The following CD163L1 variants were observed in gnomAD, a reference collection of about 807,000 sequenced individuals.
CD163L1 encodes scavenger receptor cysteine-rich type 1 protein M160.
In CD163L1, 124 loss-of-function variants were observed where a neutral mutation model predicts 165.4. The observed-to-expected ratio is 0.75, with a 90% CI of 0.65 to 0.87. The LOEUF (loss-of-function observed/expected upper bound fraction) is 0.87, where lower values mean the gene tolerates loss of function less well. CD163L1 is among the 40% of genes least tolerant of loss of function. The pLI is 0.00. For synonymous variants in CD163L1, 585 were observed against 662.2 expected (o/e 0.88, Z 1.79); for missense variants, 1,525 against 1,799.9 (o/e 0.85, Z 2.76).
rs1483756091 is a variant in CD163L1, at chr12:7,373,329, T to C, written c.3721A>G (p.Thr1241Ala). 1.2e-6 allele frequency: 2 copies of C among 1,604,848 alleles called. No homozygotes were observed. The highest frequency in any genetic ancestry group is 1.7e-6 in the Non-Finnish European group (2 of 1,173,756). ...ISSPAEETWI[T>A]CEDRIRVRGG... ...TTAGAAAGATACCCACCTTCACATGTGATCCAGGTCTCTTCTGCTGGGCTG... is the reference window on the plus strand; with the variant it reads ...TTAGAAAGATACCCACCTTCACATGCGATCCAGGTCTCTTCTGCTGGGCTG... The change falls in exon 14 of 20, where the codon ACA (threonine) becomes GCA (alanine). Residue 1241 changes from threonine (T) to alanine (A), a missense_variant. Thr to Ala is a moderately conservative substitution (Grantham distance 58). Transcript: ENST00000313599.
intron 19 of CD163L1, among the ~76,000 whole-genome samples, chr12:7,355,633 G>A (rs913427338): frequency 6.6e-6 from 1 of 152,234 alleles, no homozygotes; most frequent in Middle Eastern, 3.4e-3. Context: ...ATATGTTCAA[G>A]TCTTAACCCC....
rs1444728607 is a variant in CD163L1 at position 7,374,714 on chromosome 12, G to A, written c.3137C>T (p.Ala1046Val). 9.3e-6 allele frequency: 15 copies of A among 1,613,926 alleles called. No individual in the cohort carries two copies. Among genetic ancestry groups the A allele is most frequent in the Non-Finnish European group, 1.3e-5 (15 of 1,179,950 alleles). ...LRLVDGDSRC[A>V]GRVEIYHDGF... is the part of the protein sequence containing the mutation. ...GTCGTGATAGATCTCTACTCTCCCG[G>A]CACAGCGGCTGTCCCCATCCACTAG... The change falls in exon 13 of 20, where the codon GCC becomes GTC. Residue 1046 changes from alanine to valine, a missense_variant. By Grantham distance (64) the Ala-to-Val change is moderately conservative (BLOSUM62 0). Coordinates refer to ENST00000313599, the MANE Select transcript of CD163L1 (RefSeq NM_174941.6). This position sits in a 1 kb window ranked among gnomAD's most constrained non-coding sequence, Gnocchi z 5.4.
intron 4 of CD163L1, among the ~76,000 whole-genome samples, chr12:7,420,268 C>T (rs1315261810): frequency 1.3e-5 from 2 of 151,676 alleles, no homozygotes; most frequent in African/African-American, 2.4e-5. Flanking sequence ...AAGATAACAT[C>T]GGAAAAACCC....
At chr12:7,353,548 A>T (rs970267140), downstream of CD163L1, among the ~76,000 whole-genome samples, 1 of 152,108 alleles carries the variant, frequency 6.6e-6, no homozygotes, top group African/African-American at 2.4e-5. Flanking sequence ...CACGTACAAG[A>T]AAACAACAAT....
chr12:7,434,765 G>C (rs549746415), intron 2 of CD163L1, among the ~76,000 whole-genome samples: 1 of 151,956 alleles, frequency 6.6e-6, no homozygotes, highest in African/African-American at 2.4e-5. Flanking sequence ...CAATAGAAAA[G>C]GCTTCCCAGT....
chr12:7,396,184 C>T lies in CD163L1; in HGVS notation c.1961G>A (p.Gly654Glu). 6.2e-7 allele frequency: 1 copy of T among 1,614,150 alleles called. No individual in the cohort carries two copies. The highest frequency in any genetic ancestry group is 1.1e-5 in the South Asian group (1 of 91,086). ...KIWLDDVSCD[G>E]DESDLWSCRN... The stretch of plus-strand genomic sequence containing the variant: ...GCATGACCAGAGATCTGACTCATCT[C>T]CATCACAGGAAACATCATCGAGCCA... The change falls in exon 8 of 20, where the codon GGA becomes GAA. Residue 654 changes from glycine to glutamate, a missense_variant. Coordinates refer to ENST00000313599, the MANE Select transcript of CD163L1 (RefSeq NM_174941.6).
intron 4 of CD163L1, among the ~76,000 whole-genome samples, chr12:7,409,881 TA>T (rs926927907): frequency 1.3e-5 from 2 of 151,442 alleles, no homozygotes; most frequent in African/African-American, 2.4e-5. Context: ...CTCTCAGAAA[TA>T]AAAAAACTAT....
intron 18 of CD163L1, among the ~76,000 whole-genome samples, chr12:7,361,797 G>A (rs142408937): frequency 5.4e-4 from 82 of 152,066 alleles, no homozygotes; most frequent in African/African-American, 1.3e-3. Flanking sequence ...TTAAGTGTAC[G>A]ATTTGGTGAA....
the CD163L1 span, among the ~76,000 whole-genome samples, chr12:7,332,830 T>C: frequency 6.6e-6 from 1 of 152,116 alleles, no homozygotes. Flanking sequence ...TGCAAAAACA[T>C]GCCAAATTGT....
At chr12:7,370,844 C>T (rs1345296743) in intron 14 of CD163L1, among the ~76,000 whole-genome samples, 1 of 152,056 alleles carries the variant, frequency 6.6e-6, no homozygotes, top group Non-Finnish European at 1.5e-5. Context: ...CATTGAATGG[C>T]CTATATAATA....
intron 7 of CD163L1, among the ~76,000 whole-genome samples, chr12:7,397,444 G>C (rs1437765529): frequency 6.6e-6 from 1 of 152,176 alleles, no homozygotes; most frequent in Admixed American, 6.5e-5. Flanking sequence ...GATGTCTGCT[G>C]TCTAAGTGAG....
At chr12:7,334,062 C>G in the CD163L1 span, among the ~76,000 whole-genome samples, 4,513 of 147,086 alleles carry the variant, frequency 0.031, 214 homozygotes, top group African/African-American at 0.11. Flanking sequence ...ACCAGAGGTA[C>G]AAGGAGGAGC....
intron 4 of CD163L1, among the ~76,000 whole-genome samples, chr12:7,416,849 C>T (rs111693112): frequency 0.046 from 6,963 of 152,066 alleles, 183 homozygotes; most frequent in Middle Eastern, 0.095. Context: ...AGTCAGATAG[C>T]ATGATGCCTC....
At chr12:7,427,057 C>T (rs1410737233) in intron 4 of CD163L1, among the ~76,000 whole-genome samples, 7 of 151,750 alleles carry the variant, frequency 4.6e-5, no homozygotes, top group Admixed American at 1.3e-4. Flanking sequence ...ACATATAAAG[C>T]GAATATTAAG....
At chr12:7,349,321 A>T (rs1946692344) in intron 4 of CD163L1, among the ~76,000 whole-genome samples, 1 of 152,236 alleles carries the variant, frequency 6.6e-6, no homozygotes. Flanking sequence ...CACATTTCAA[A>T]TTCTCAAATT....
Position 7,372,062 on chromosome 12 carries a change from C to T in CD163L1, c.3730+1258G>A, listed in dbSNP as rs1487412576. ...ATACAATTACAATAGTAAAAAGAAG[C>T]AAAATGCTTAAAAATATGAACCACA... On this transcript the variant is annotated intron_variant, in intron 14 of 19. Coordinates refer to ENST00000313599, the MANE Select transcript of CD163L1 (RefSeq NM_174941.6). This position sits in a 1 kb window ranked among gnomAD's most constrained non-coding sequence, Gnocchi z 4.2. Among the ~76,000 whole-genome samples the T allele has an allele frequency of 6.6e-6, 1 of 151,338 alleles. No individual in the cohort carries two copies. Among genetic ancestry groups the T allele is most frequent in the Non-Finnish European group, 1.5e-5 (1 of 67,804 alleles).
intron 8 of CD163L1, among the ~76,000 whole-genome samples, chr12:7,390,892 T>C (rs952123535): frequency 3.3e-5 from 5 of 152,288 alleles, no homozygotes; most frequent in African/African-American, 9.6e-5. Context: ...ATTTTAAAGT[T>C]GTCTAATAAA....
At chr12:7,386,616 A>C (rs1031905297) in intron 8 of CD163L1, among the ~76,000 whole-genome samples, 5 of 151,742 alleles carry the variant, frequency 3.3e-5, no homozygotes, top group Non-Finnish European at 7.4e-5. Flanking sequence ...AAAAAAAAAA[A>C]AAAAACAGTA....
the CD163L1 span, among the ~76,000 whole-genome samples, chr12:7,338,730 G>A: frequency 6.6e-6 from 1 of 152,062 alleles, no homozygotes; most frequent in East Asian, 1.9e-4. Context: ...ATTCCTATAT[G>A]GCACATATGG....
Sources: allele counts gnomAD v4.1 joint callset (sites outside exome capture counted in the v4.1 genomes callset), GRCh38; gene constraint gnomAD v4.1.1; non-coding constraint Gnocchi (gnomAD v3.1); transcripts MANE v1.5; gene names NCBI Gene and HGNC (gene_info 2026-07-23, HGNC 2026-07-21).